Variants in MECOM observed in about 807,000 individuals in gnomAD.
MECOM encodes MDS1 and EVI1 complex locus.
MECOM carries 13 observed loss-of-function variants against 116.3 expected under a neutral mutation model. The observed-to-expected ratio is 0.11, with a 90% CI of 0.07 to 0.18. The LOEUF (loss-of-function observed/expected upper bound fraction) is 0.18, where lower values mean the gene tolerates loss of function less well. MECOM is among the 10% of genes least tolerant of loss of function. MECOM has a pLI of 1.00. For synonymous variants in MECOM, 528 were observed against 535.2 expected (o/e 0.99, Z 0.19); for missense variants, 1,299 against 1,509.0 (o/e 0.86, Z 2.31).
chr3:169,420,232 C>T (rs1739472930), intron 1 of MECOM, among the ~76,000 whole-genome samples: 1 of 152,086 alleles, frequency 6.6e-6, no homozygotes. Flanking sequence ...CATCTCTCCA[C>T]CAATCAACTA....
In MECOM at chr3:169,635,842, C is replaced by G. The variant is rs79446553; in HGVS notation, c.37+27494G>C. ...TAATATAATGCCAGATTTTTAGAAGCCACATGATCACAGCTTCTGTTCCAC... is the reference window on the plus strand; with the variant it reads ...TAATATAATGCCAGATTTTTAGAAGGCACATGATCACAGCTTCTGTTCCAC... On this transcript the variant is annotated intron_variant, in intron 1 of 16. Coordinates refer to ENST00000651503, the MANE Select transcript of MECOM (RefSeq NM_004991.4). Among the ~76,000 whole-genome samples, 1,286 of 152,242 alleles carry G rather than the reference C, an allele frequency of 8.4e-3. 15 individuals carry two copies. Among genetic ancestry groups the G allele is most frequent in the African/African-American group, 0.029 (1,214 of 41,526 alleles).
intron 2 of MECOM, among the ~76,000 whole-genome samples, chr3:169,296,561 A>C (rs1329388157): frequency 6.6e-6 from 1 of 152,214 alleles, no homozygotes; most frequent in Non-Finnish European, 1.5e-5. Flanking sequence ...CTACATGGGC[A>C]GAGTTTTCAA....
At chr3:169,455,313 C>T (rs189262311) in intron 1 of MECOM, among the ~76,000 whole-genome samples, 10 of 152,158 alleles carry the variant, frequency 6.6e-5, no homozygotes, top group Admixed American at 3.3e-4. Flanking sequence ...AAGTGCACAC[C>T]CTAATTTAGG....
chr3:169,266,702 A>G (rs985936385), intron 2 of MECOM, among the ~76,000 whole-genome samples: 5 of 152,202 alleles, frequency 3.3e-5, no homozygotes, highest in African/African-American at 7.2e-5. Flanking sequence ...AGGACATACT[A>G]TTAAAGGAAA....
chr3:169,255,910 A>G (rs1231027905), intron 2 of MECOM, among the ~76,000 whole-genome samples: 1 of 152,008 alleles, frequency 6.6e-6, no homozygotes, highest in Non-Finnish European at 1.5e-5. Flanking sequence ...ATAGATTTTT[A>G]TTTATGAATG....
At chr3:169,131,361 A>T (rs774039806) in intron 4 of MECOM, 68 bp downstream of exon 4, 2 of 1,292,814 alleles carry the variant, frequency 1.5e-6, no homozygotes, top group Non-Finnish European at 2.2e-6. Context: ...GGAACAATGG[A>T]TGCTTTCGAT....
At chr3:169,463,073 A>C (rs1466585306) in intron 1 of MECOM, among the ~76,000 whole-genome samples, 1 of 152,212 alleles carries the variant, frequency 6.6e-6, no homozygotes, top group Non-Finnish European at 1.5e-5. Context: ...GCTCAGTTCA[A>C]GATATTTCAT....
At chr3:169,316,092 T>C (rs990255405) in intron 2 of MECOM, among the ~76,000 whole-genome samples, 2 of 152,248 alleles carry the variant, frequency 1.3e-5, no homozygotes, top group African/African-American at 2.4e-5. Context: ...AATGCTTCTG[T>C]AATTCACAAT....
rs150686966 is a variant in MECOM at position 169,645,614 on chromosome 3, A to G, written c.37+17722T>C. Among the ~76,000 whole-genome samples the G allele has an allele frequency of 1.6e-3, 238 of 152,306 alleles. 1 individual carries two copies. Among genetic ancestry groups the G allele is most frequent in the African/African-American group, 5.6e-3 (233 of 41,560 alleles). ...TCTCTTTGATGAAGTTTCCCCACCA[A>G]TGGTCTTTCACAATTGAAAATCTCT... On this transcript the variant is annotated intron_variant, in intron 1 of 16. Transcript: ENST00000651503.
At chr3:169,456,551 A>G (rs1371743786) in intron 1 of MECOM, among the ~76,000 whole-genome samples, 1 of 152,206 alleles carries the variant, frequency 6.6e-6, no homozygotes, top group African/African-American at 2.4e-5. Context: ...ATAAAGTGCC[A>G]TGGACTGTCA....
intron 1 of MECOM, among the ~76,000 whole-genome samples, chr3:169,644,106 C>T (rs1259377347): frequency 1.3e-5 from 2 of 152,260 alleles, no homozygotes; most frequent in South Asian, 2.1e-4. Flanking sequence ...CAAAACTCCT[C>T]TTGCACCATA....
At chr3:169,523,470 G>T (rs561766168) in intron 1 of MECOM, among the ~76,000 whole-genome samples, 2 of 151,620 alleles carry the variant, frequency 1.3e-5, no homozygotes, top group Non-Finnish European at 2.9e-5. Context: ...CTTCTCTCTG[G>T]AGAGAGAGGA....
At chr3:169,182,345 C>A (rs886350255) in intron 2 of MECOM, among the ~76,000 whole-genome samples, 1 of 152,172 alleles carries the variant, frequency 6.6e-6, no homozygotes, top group African/African-American at 2.4e-5. Context: ...GTTTTACCCC[C>A]AAAGATTCTA....
chr3:169,635,044 A>G (rs1772559560), intron 1 of MECOM, among the ~76,000 whole-genome samples: 1 of 152,056 alleles, frequency 6.6e-6, no homozygotes, highest in African/African-American at 2.4e-5. Flanking sequence ...GACACTACAG[A>G]GGGCACAGAA....
intron 1 of MECOM, among the ~76,000 whole-genome samples, chr3:169,653,492 CAGG>C (rs1775168710): frequency 6.6e-6 from 1 of 152,044 alleles, no homozygotes; most frequent in Admixed American, 6.6e-5. Flanking sequence ...CATGAAGAAG[CAGG>C]AGTTCAAATG....
chr3:169,464,387 G>T (rs184125319), intron 1 of MECOM, among the ~76,000 whole-genome samples: 2 of 152,216 alleles, frequency 1.3e-5, no homozygotes, highest in Admixed American at 6.5e-5. Flanking sequence ...TGTTGGATTG[G>T]AAACAAAAGA....
intron 2 of MECOM, among the ~76,000 whole-genome samples, chr3:169,163,820 G>A (rs1352272043): frequency 6.6e-6 from 1 of 152,158 alleles, no homozygotes; most frequent in Non-Finnish European, 1.5e-5. Flanking sequence ...ACCACTGACT[G>A]ACAGGGACTC....
chr3:169,645,710 C>G (rs1414530617), intron 1 of MECOM, among the ~76,000 whole-genome samples: 1 of 152,142 alleles, frequency 6.6e-6, no homozygotes, highest in Non-Finnish European at 1.5e-5. Context: ...TAAAGACAAC[C>G]CTATGCCTGT....
intron 1 of MECOM, among the ~76,000 whole-genome samples, chr3:169,551,042 C>G (rs1175524481): frequency 1.1e-5 from 1 of 94,942 alleles, no homozygotes; most frequent in Non-Finnish European, 2.3e-5. Flanking sequence ...CCGGGATGGT[C>G]TCGATCTCCT....
Sources: allele counts gnomAD v4.1 joint callset (sites outside exome capture counted in the v4.1 genomes callset), GRCh38; gene constraint gnomAD v4.1.1; transcripts MANE v1.5; gene names NCBI Gene and HGNC (gene_info 2026-07-23, HGNC 2026-07-21).